Variants in RTF1 observed in about 807,000 individuals in gnomAD.
RTF1 encodes the protein RTF1 homolog, Paf1/RNA polymerase II complex component.
RTF1 carries 10 observed loss-of-function variants against 95.7 expected under a neutral mutation model. The observed-to-expected ratio is 0.10, with a 90% CI of 0.06 to 0.18. The LOEUF is 0.18. Among genes scored for constraint, RTF1 ranks in the 10% least tolerant of loss-of-function variants. The probability of loss-of-function intolerance (pLI) is 1.00; values close to 1 mark genes in which losing one functional copy is unlikely to be tolerated. For missense variants in RTF1, 458 were observed against 875.6 expected (o/e 0.52, Z 6.02); for synonymous variants, 305 against 311.8 (o/e 0.98, Z 0.23).
intron 4 of RTF1, among the ~76,000 whole-genome samples, chr15:41,462,246 C>CT (rs1381176674): frequency 6.6e-6 from 1 of 152,182 alleles, no homozygotes; most frequent in African/African-American, 2.4e-5. Context: ...TGCATTTAAT[C>CT]TTTGTAGTCT....
At chr15:41,480,066 C>T in intron 16 of RTF1, 148 bp from the exon 17 acceptor site, 2 of 607,768 alleles carry the variant, frequency 3.3e-6, no homozygotes, top group Non-Finnish European at 2.9e-6. Flanking sequence ...TTGTCTGTGG[C>T]CTCCCTCTGA....
At chr15:41,464,917 G>T (rs1311219304) in intron 5 of RTF1, 32 bp downstream of exon 5, 1 of 1,502,086 alleles carries the variant, frequency 6.7e-7, no homozygotes, top group East Asian at 2.5e-5. Context: ...ATTGTCCAAA[G>T]AATAAACCTG....
rs532902807 is a variant in RTF1, at chr15:41,477,278, C to T, written c.1674C>T (p.Ser558=). ...ALDRQRTKNI[S]AISYINQRNR... is the part of the protein sequence containing the mutation. ...ACCGCCAGCGGACCAAGAACATATCCGCTATCAGGTGTGTTATGGAGCCTA... is the reference window on the plus strand; with the variant it reads ...ACCGCCAGCGGACCAAGAACATATCTGCTATCAGGTGTGTTATGGAGCCTA... The change falls in exon 13 of 18, where the codon TCC becomes TCT. Residue 558 remains serine (S), a synonymous_variant. Transcript: ENST00000389629. 2.9e-5 allele frequency: 47 copies of T among 1,614,236 alleles called. No individual in the cohort carries two copies. Among genetic ancestry groups the T allele is most frequent in the Non-Finnish European group, 3.0e-5 (35 of 1,180,048 alleles).
chr15:41,456,347 G>C (rs915057300), intron 3 of RTF1, among the ~76,000 whole-genome samples: 7 of 151,602 alleles, frequency 4.6e-5, no homozygotes, highest in Admixed American at 4.6e-4. Flanking sequence ...AAATTAGCCA[G>C]GCGTGGTGGT....
chr15:41,472,212 GT>G (rs1006916671), intron 8 of RTF1, among the ~76,000 whole-genome samples: 27 of 131,442 alleles, frequency 2.1e-4, no homozygotes, highest in East Asian at 1.6e-3. Context: ...TTTATTTGTT[GT>G]TTTTTTTTTT....
intron 8 of RTF1, among the ~76,000 whole-genome samples, chr15:41,472,337 G>C (rs1377987546): frequency 6.7e-6 from 1 of 148,644 alleles, no homozygotes; most frequent in African/African-American, 2.5e-5. Flanking sequence ...CTCCCGAGTA[G>C]CTAGTGTTAC....
rs1450095526 is a variant in RTF1, at chr15:41,422,027, G to A, written c.198+4714G>A. On this transcript the variant is annotated intron_variant, in intron 1 of 17. Coordinates refer to ENST00000389629, the MANE Select transcript of RTF1 (RefSeq NM_015138.5). ...CACACCAGGCCTTATTTATTTATTT[G>A]TTTGTTTGTTTATTTATTTATTTTT... Among the ~76,000 whole-genome samples, 14 of 139,236 alleles carry A rather than the reference G, an allele frequency of 1.0e-4. No homozygotes were observed. In the East Asian group the frequency reaches 1.4e-3, roughly 13 times the overall value. The allele number at this position is 139,236 out of a possible 152,430, so 91.3% of individuals were successfully genotyped here.
At chr15:41,452,767 T>C in intron 2 of RTF1, 134 bp from the exon 3 acceptor site, 1 of 714,356 alleles carries the variant, frequency 1.4e-6, no homozygotes, top group Non-Finnish European at 2.1e-6. Context: ...AAATCTGTAT[T>C]TTTTTTCATA....
intron 1 of RTF1, among the ~76,000 whole-genome samples, chr15:41,430,925 CAG>C (rs761517553): frequency 1.3e-5 from 2 of 151,980 alleles, no homozygotes; most frequent in Non-Finnish European, 2.9e-5. Context: ...TGTATTGAGA[CAG>C]AGTCTTGCAC....
chr15:41,417,457 G>C (rs2050577098), intron 1 of RTF1, 144 bp downstream of exon 1: 1 of 695,196 alleles, frequency 1.4e-6, no homozygotes, highest in Non-Finnish European at 2.0e-6. Context: ...CCCCTTTCCC[G>C]TCTTCCTGGA....
chr15:41,471,953 C>T (rs2050913985), intron 8 of RTF1, among the ~76,000 whole-genome samples: 1 of 152,098 alleles, frequency 6.6e-6, no homozygotes, highest in Non-Finnish European at 1.5e-5. Flanking sequence ...GGCTGGAGTG[C>T]AATGGCGTGG....
chr15:41,456,189 T>TC (rs1167421308), intron 3 of RTF1, among the ~76,000 whole-genome samples: 1 of 117,398 alleles, frequency 8.5e-6, no homozygotes, highest in African/African-American at 3.4e-5. Context: ...AAACTCCATC[T>TC]CAAAAAAAAA....
At chr15:41,445,226 C>T (rs1464775864) in intron 2 of RTF1, among the ~76,000 whole-genome samples, 3 of 152,170 alleles carry the variant, frequency 2.0e-5, no homozygotes, top group Non-Finnish European at 4.4e-5. Flanking sequence ...TGAGCCACTG[C>T]GCCCGGCCTC....
chr15:41,456,413 C>T (rs533175036), intron 3 of RTF1, among the ~76,000 whole-genome samples: 4 of 150,808 alleles, frequency 2.7e-5, no homozygotes, highest in African/African-American at 7.3e-5. Context: ...GGCATGAACC[C>T]GAGAGGCGGA....
At chr15:41,453,155 T>A in intron 3 of RTF1, 107 bp downstream of exon 3, 1 of 865,946 alleles carries the variant, frequency 1.2e-6, no homozygotes, top group South Asian at 2.7e-5. Context: ...CAGCATGACC[T>A]CTTCTTTAGA....
chr15:41,419,190 TAGAA>T (rs2140942342), intron 1 of RTF1, among the ~76,000 whole-genome samples: 1 of 152,314 alleles, frequency 6.6e-6, no homozygotes, highest in Admixed American at 6.5e-5. Context: ...GACTGGCAAT[TAGAA>T]GGAGTAGAAT....
At chr15:41,430,761 A>G (rs1005552685) in intron 1 of RTF1, among the ~76,000 whole-genome samples, 6 of 152,088 alleles carry the variant, frequency 3.9e-5, no homozygotes, top group African/African-American at 1.4e-4. Flanking sequence ...CAAAAAGAAT[A>G]TAAAGGACTG....
At chr15:41,468,378 C>T (rs867559390) in intron 6 of RTF1, among the ~76,000 whole-genome samples, 60 of 151,806 alleles carry the variant, frequency 4.0e-4, no homozygotes, top group Non-Finnish European at 5.7e-4. Context: ...AGTGCAGTGG[C>T]GCGATCTCGG....
chr15:41,431,202 C>A (rs1192966573), intron 1 of RTF1, among the ~76,000 whole-genome samples: 1 of 147,148 alleles, frequency 6.8e-6, no homozygotes, highest in Non-Finnish European at 1.5e-5. Context: ...CTGCGTCCAG[C>A]GGGTTTTTCT....
Sources: allele counts gnomAD v4.1 joint callset (sites outside exome capture counted in the v4.1 genomes callset), GRCh38; gene constraint gnomAD v4.1.1; transcripts MANE v1.5; gene names NCBI Gene and HGNC (gene_info 2026-07-23, HGNC 2026-07-21).